Variants in DSCAML1 observed in about 807,000 individuals in gnomAD.
DSCAML1 encodes cell adhesion molecule DSCAML1.
In DSCAML1, 38 loss-of-function variants were observed where a neutral mutation model predicts 200.5. The ratio of observed to expected loss-of-function variants is 0.19; its 90% CI spans 0.15 to 0.25. The LOEUF (loss-of-function observed/expected upper bound fraction) is 0.25, where lower values mean the gene tolerates loss of function less well. DSCAML1 is among the 10% of genes least tolerant of loss of function. The probability of loss-of-function intolerance (pLI) is 1.00; values close to 1 mark genes in which losing one functional copy is unlikely to be tolerated. For missense variants in DSCAML1, 2,223 were observed against 2,858.8 expected, an observed-to-expected ratio of 0.78 and a Z score of 5.07; for synonymous variants, 1,215 against 1,165.0, an observed-to-expected ratio of 1.04 and a Z score of -0.87.
intron 11 of DSCAML1, among the ~76,000 whole-genome samples, chr11:117,502,748 A>C (rs1037948749): frequency 6.6e-6 from 1 of 152,136 alleles, no homozygotes; most frequent in African/African-American, 2.4e-5. Flanking sequence ...CAGGTCATGA[A>C]ATCTTTGCTG....
At chr11:117,511,113 G>A (rs573610323) in intron 8 of DSCAML1, among the ~76,000 whole-genome samples, 33 of 152,308 alleles carry the variant, frequency 2.2e-4, no homozygotes, top group African/African-American at 7.5e-4. Context: ...CCAGGCATAC[G>A]GCAGAGGCTG....
chr11:117,722,843 C>T (rs968741362), intron 3 of DSCAML1, among the ~76,000 whole-genome samples: 1 of 152,300 alleles, frequency 6.6e-6, no homozygotes, highest in African/African-American at 2.4e-5. Flanking sequence ...TGTCTCAATG[C>T]CTTCTGATTC....
intron 3 of DSCAML1, among the ~76,000 whole-genome samples, chr11:117,740,046 A>G (rs1343110867): frequency 1.3e-5 from 2 of 152,162 alleles, no homozygotes; most frequent in Non-Finnish European, 1.5e-5. Context: ...GATTCCCAAA[A>G]GGGATGTTTC....
At chr11:117,588,319 G>A (rs1487465723) in intron 3 of DSCAML1, among the ~76,000 whole-genome samples, 4 of 152,102 alleles carry the variant, frequency 2.6e-5, no homozygotes, top group East Asian at 1.9e-4. Flanking sequence ...CTGGCCTTTC[G>A]CTCTGGGACA....
At chr11:117,566,622 C>A in intron 3 of DSCAML1, among the ~76,000 whole-genome samples, 1 of 151,468 alleles carries the variant, frequency 6.6e-6, no homozygotes, top group Non-Finnish European at 1.5e-5. Context: ...TACATGTGCA[C>A]CATGTGCAGG....
At position 117,780,236 on chromosome 11, in the gene DSCAML1, G is replaced by GAAAAAGAAAGAAAGAAAGAA. The variant is rs1565280678; in HGVS notation, c.364+256_364+257insTTCTTTCTTTCTTTCTTTTT. ...GAGAGAGAGAAAGAAAGAAAGGAAA[G>GAAAAAGAAAGAAAGAAAGAA]AAAGAAAGAAAGAAAGAAAGAAAGA... On this transcript the variant is annotated intron_variant, in intron 2 of 32. Transcript: ENST00000651296. This position sits in a 1 kb window ranked among gnomAD's most constrained non-coding sequence, Gnocchi z 4.8. 8.9e-4 allele frequency among the ~76,000 whole-genome samples: 47 copies of GAAAAAGAAAGAAAGAAAGAA among 52,776 alleles called. No individual in the cohort carries two copies. Among genetic ancestry groups the GAAAAAGAAAGAAAGAAAGAA allele is most frequent in the Admixed American group, 2.9e-3 (15 of 5,184 alleles). 34.6% of individuals were successfully genotyped at this position (52,776 alleles called of 152,430 possible).
At chr11:117,512,796 CA>C (rs1565754066) in intron 8 of DSCAML1, among the ~76,000 whole-genome samples, 1,650 of 149,652 alleles carry the variant, frequency 0.011, 26 homozygotes, top group African/African-American at 0.027. Flanking sequence ...CACACACACA[CA>C]CACACCCCTC....
intron 3 of DSCAML1, among the ~76,000 whole-genome samples, chr11:117,552,067 G>A (rs973625280): frequency 1.3e-5 from 2 of 151,894 alleles, no homozygotes; most frequent in African/African-American, 2.4e-5. Context: ...GGGCAGCTGC[G>A]GGGAAGGGAG....
At chr11:117,441,185 G>T (rs1033680993) in intron 21 of DSCAML1, among the ~76,000 whole-genome samples, 14 of 152,158 alleles carry the variant, frequency 9.2e-5, no homozygotes, top group African/African-American at 3.4e-4. Context: ...TTCTGGCTGG[G>T]CCACCAAGGT....
chr11:117,513,433 A>G (rs2049685026), intron 8 of DSCAML1, among the ~76,000 whole-genome samples: 1 of 152,098 alleles, frequency 6.6e-6, no homozygotes, highest in African/African-American at 2.4e-5. Context: ...GTAAGTTCTC[A>G]AAGTAGACTT....
At position 117,797,180 on chromosome 11, in the gene DSCAML1, G is replaced by T. The variant is rs755219849; in HGVS notation, c.-101C>A. 39 of 1,569,822 alleles carry T rather than the reference G, an allele frequency of 2.5e-5. No individual in the cohort carries two copies. The highest frequency in any genetic ancestry group is 3.4e-5 in the Non-Finnish European group (39 of 1,159,900). On this transcript the variant is annotated 5_prime_UTR_variant, in exon 1 of 33. Transcript: ENST00000651296. ...GCGCTCCCAGCCGCCCGCACTCGGC[G>T]CCCCGCTCTCTCTGCTCCTCAGCCC...
chr11:117,551,837 G>T (rs1251035836), intron 3 of DSCAML1, among the ~76,000 whole-genome samples: 1 of 152,044 alleles, frequency 6.6e-6, no homozygotes, highest in East Asian at 1.9e-4. Context: ...ATTAAAGAGC[G>T]AGGAGAAATT....
intron 11 of DSCAML1, among the ~76,000 whole-genome samples, chr11:117,496,625 A>G (rs2049293779): frequency 6.6e-6 from 1 of 152,226 alleles, no homozygotes; most frequent in South Asian, 2.1e-4. Context: ...GCTCAGATCC[A>G]TCTGGAAACT....
rs141137723 is a variant in DSCAML1 at position 117,471,391 on chromosome 11, C to T, written c.2953+478G>A. Among the ~76,000 whole-genome samples, 452 of 152,272 alleles carry T rather than the reference C, an allele frequency of 3.0e-3. 2 individuals are homozygous for T. The highest frequency in any genetic ancestry group is 4.6e-3 in the Non-Finnish European group (314 of 68,008). The stretch of plus-strand genomic sequence containing the variant: ...TTCACCAAGTTGGCCAGGCTGGTCT[C>T]GTACTCCTGACCTCAGGTGATCCAC... On this transcript the variant is annotated intron_variant, in intron 15 of 32. Transcript: ENST00000651296.
intron 1 of DSCAML1, among the ~76,000 whole-genome samples, chr11:117,782,494 T>C (rs996949387): frequency 1.3e-5 from 2 of 152,184 alleles, no homozygotes; most frequent in Non-Finnish European, 2.9e-5. Context: ...TGCTGCCTAC[T>C]CTTGTGACAG....
At chr11:117,439,237 C>T (rs1282523061) in intron 23 of DSCAML1, 29 bp downstream of exon 23, 3 of 1,611,798 alleles carry the variant, frequency 1.9e-6, no homozygotes, top group Non-Finnish European at 2.5e-6. Flanking sequence ...CTGTCCCCAC[C>T]TGGGGTCACC....
intron 3 of DSCAML1, among the ~76,000 whole-genome samples, chr11:117,562,898 T>C (rs2050689959): frequency 6.6e-6 from 1 of 152,194 alleles, no homozygotes; most frequent in African/African-American, 2.4e-5. Context: ...CACCCTGCTA[T>C]CAGTTCCTTC....
chr11:117,780,934 G>A lies in DSCAML1; in HGVS notation c.47-124C>T. ...CCTTCAAGCATCAGTCATTCAGTAT[G>A]CACTTATTGAGCACTGACTATACAC... On this transcript the variant is annotated intron_variant, in intron 1 of 32. Transcript: ENST00000651296. This position sits in a 1 kb window ranked among gnomAD's most constrained non-coding sequence, Gnocchi z 4.8. 1 of 712,438 alleles carries A rather than the reference G, an allele frequency of 1.4e-6. No individual in the cohort carries two copies. Among genetic ancestry groups the A allele is most frequent in the African/African-American group, 1.8e-5 (1 of 54,450 alleles). The allele number at this position is 712,438 out of a possible 1,614,324, so 44.1% of individuals were successfully genotyped here.
chr11:117,554,286 A>T (rs547199253), intron 3 of DSCAML1, among the ~76,000 whole-genome samples: 213 of 152,348 alleles, frequency 1.4e-3, no homozygotes, highest in South Asian at 5.2e-3. Flanking sequence ...AATGGTTAAG[A>T]TGGGAAATGT....
Sources: gnomAD v4.1 joint callset for allele counts (sites outside exome capture counted in the v4.1 genomes callset) on GRCh38, gnomAD v4.1.1 for gene constraint, Gnocchi (gnomAD v3.1) non-coding constraint, MANE v1.5 for transcripts, NCBI Gene and HGNC (gene_info 2026-07-23, HGNC 2026-07-21) for gene names.